Variants in CSMD1 observed in about 807,000 individuals in gnomAD.
CSMD1 encodes CUB and Sushi multiple domains 1.
In CSMD1, 213 loss-of-function variants were observed where a neutral mutation model predicts 417.5. That is an observed-to-expected ratio of 0.51 (90% confidence interval 0.46 to 0.57). CSMD1 has a LOEUF of 0.57. Ranked by LOEUF, CSMD1 falls within the 20% of genes least tolerant of loss-of-function variation. The pLI is 0.00. For missense variants in CSMD1, 6,923 were observed against 4,529.7 expected, an observed-to-expected ratio of 1.53 and a Z score of -15.17; for synonymous variants, 2,862 against 1,736.8, an observed-to-expected ratio of 1.65 and a Z score of -16.11.
chr8:3,459,674 G>C (rs1037305755), intron 12 of CSMD1, among the ~76,000 whole-genome samples: 2 of 152,080 alleles, frequency 1.3e-5, no homozygotes, highest in African/African-American at 4.8e-5. Flanking sequence ...GAACCAGAGA[G>C]GGCACCGGAT....
chr8:3,857,811 T>C (rs1325707153), intron 5 of CSMD1, among the ~76,000 whole-genome samples: 1 of 152,070 alleles, frequency 6.6e-6, no homozygotes, highest in African/African-American at 2.4e-5. Flanking sequence ...CAGGCCAGAG[T>C]AGAAAAGAGC....
chr8:4,741,119 C>T (rs574922145), intron 1 of CSMD1, among the ~76,000 whole-genome samples: 1 of 152,256 alleles, frequency 6.6e-6, no homozygotes, highest in South Asian at 2.1e-4. Flanking sequence ...CTAGTATCTC[C>T]TCTTTTCCAG....
intron 1 of CSMD1, among the ~76,000 whole-genome samples, chr8:4,953,221 G>C (rs556928902): frequency 4.6e-5 from 7 of 152,088 alleles, no homozygotes; most frequent in Admixed American, 6.6e-5. Flanking sequence ...TTCCTAATGA[G>C]TTTTGCTGAA....
chr8:4,284,148 A>C lies in CSMD1; in HGVS notation c.415+135805T>G, dbSNP rs527421457. Among the ~76,000 whole-genome samples, 710 of 152,242 alleles carry C rather than the reference A, an allele frequency of 4.7e-3. 6 individuals carry two copies. The highest frequency in any genetic ancestry group is 0.015 in the South Asian group (71 of 4,818). Reference sequence around the variant, plus strand: ...TTTGGGAGGCCGAGAAGGGTGGATCACCTGAGGTCAGGAGTTCCAGACTAG... The same window carrying C: ...TTTGGGAGGCCGAGAAGGGTGGATCCCCTGAGGTCAGGAGTTCCAGACTAG... On this transcript the variant is annotated intron_variant, in intron 3 of 69. Coordinates refer to ENST00000635120, the MANE Select transcript of CSMD1 (RefSeq NM_033225.6).
intron 50 of CSMD1, among the ~76,000 whole-genome samples, chr8:3,037,426 T>C (rs1245707359): frequency 1.3e-5 from 2 of 151,962 alleles, no homozygotes; most frequent in Non-Finnish European, 2.9e-5. Flanking sequence ...GCCAGGGTGG[T>C]CTGGATCTTC....
intron 3 of CSMD1, among the ~76,000 whole-genome samples, chr8:4,125,984 G>A (rs1001574177): frequency 6.6e-6 from 1 of 152,000 alleles, no homozygotes; most frequent in Non-Finnish European, 1.5e-5. Context: ...ATCTAAGATC[G>A]GTGGTTGTGA....
chr8:3,402,829 T>C (rs918175299), intron 15 of CSMD1, among the ~76,000 whole-genome samples: 1 of 152,102 alleles, frequency 6.6e-6, no homozygotes, highest in Non-Finnish European at 1.5e-5. Flanking sequence ...TAATTTATTT[T>C]TGTTTTTTCT....
At chr8:3,667,350 G>C (rs1439725023) in intron 7 of CSMD1, among the ~76,000 whole-genome samples, 2 of 152,102 alleles carry the variant, frequency 1.3e-5, no homozygotes, top group Non-Finnish European at 2.9e-5. Context: ...CCTTGTGTAG[G>C]ATGTCATGGA....
chr8:4,671,470 A>G (rs1176060533), intron 1 of CSMD1, among the ~76,000 whole-genome samples: 4 of 152,234 alleles, frequency 2.6e-5, no homozygotes, highest in Non-Finnish European at 5.9e-5. Context: ...GAAGCACGAC[A>G]GAAAAGCCAC....
chr8:3,664,388 G>C (rs1157662773), intron 7 of CSMD1, among the ~76,000 whole-genome samples: 2 of 152,096 alleles, frequency 1.3e-5, no homozygotes, highest in Non-Finnish European at 1.5e-5. Flanking sequence ...TCTGCTCCTG[G>C]TTCACTTCAA....
intron 14 of CSMD1, among the ~76,000 whole-genome samples, chr8:3,406,553 G>C (rs900204182): frequency 3.9e-5 from 6 of 152,102 alleles, no homozygotes; most frequent in African/African-American, 1.4e-4. Context: ...TCTCTCGTTA[G>C]AATCCTGACT....
chr8:4,281,586 A>T (rs1796787633), intron 3 of CSMD1, among the ~76,000 whole-genome samples: 1 of 152,162 alleles, frequency 6.6e-6, no homozygotes, highest in African/African-American at 2.4e-5. Flanking sequence ...CTGTTTTTTG[A>T]ATCTAAGAAG....
At chr8:4,170,648 A>G (rs1224296785) in intron 3 of CSMD1, among the ~76,000 whole-genome samples, 1 of 151,860 alleles carries the variant, frequency 6.6e-6, no homozygotes, top group African/African-American at 2.4e-5. Context: ...TATTACATTC[A>G]CTTAAGAGAA....
At chr8:4,742,308 G>C (rs966458100) in intron 1 of CSMD1, among the ~76,000 whole-genome samples, 3 of 151,670 alleles carry the variant, frequency 2.0e-5, no homozygotes, top group African/African-American at 7.3e-5. Context: ...GAGATTATAG[G>C]CATGAGCCAC....
intron 3 of CSMD1, among the ~76,000 whole-genome samples, chr8:4,140,268 G>A (rs567501984): frequency 6.6e-6 from 1 of 150,896 alleles, no homozygotes; most frequent in Non-Finnish European, 1.5e-5. Context: ...AAGCTAAGGC[G>A]GGTGGATCAC....
chr8:4,555,032 G>T (rs1323558049), intron 2 of CSMD1, among the ~76,000 whole-genome samples: 1 of 152,200 alleles, frequency 6.6e-6, no homozygotes, highest in Non-Finnish European at 1.5e-5. Flanking sequence ...ACTCAGAGAT[G>T]CTGGTAGGAG....
At chr8:3,993,769 G>T (rs1386778329) in intron 5 of CSMD1, among the ~76,000 whole-genome samples, 1 of 152,204 alleles carries the variant, frequency 6.6e-6, no homozygotes, top group Non-Finnish European at 1.5e-5. Flanking sequence ...TATGGCTGAT[G>T]TTTTCCAGGG....
intron 2 of CSMD1, among the ~76,000 whole-genome samples, chr8:4,632,305 G>A (rs1161382445): frequency 6.6e-6 from 1 of 152,130 alleles, no homozygotes; most frequent in African/African-American, 2.4e-5. Context: ...CTGAGGTCAG[G>A]AGTTCTAGAC....
intron 54 of CSMD1, among the ~76,000 whole-genome samples, chr8:2,992,774 G>A (rs558824526): frequency 1.3e-5 from 2 of 151,780 alleles, no homozygotes; most frequent in African/African-American, 4.8e-5. Flanking sequence ...ATGGGGTCTT[G>A]CTCTGTTGCC....
Sources: allele counts gnomAD v4.1 joint callset (sites outside exome capture counted in the v4.1 genomes callset), GRCh38; gene constraint gnomAD v4.1.1; transcripts MANE v1.5; gene names NCBI Gene and HGNC (gene_info 2026-07-23, HGNC 2026-07-21).